RAB38: variants seen among roughly 807,000 people sequenced by gnomAD.
RAB38 encodes the protein RAB38, member RAS oncogene family.
RAB38 carries 15 observed loss-of-function variants against 18.4 expected under a neutral mutation model. That is an observed-to-expected ratio of 0.82 (90% confidence interval 0.55 to 1.26). The LOEUF is 1.26. Ranked by LOEUF, RAB38 falls within the 50% of genes most tolerant of loss-of-function variation. The pLI is 0.00. For missense variants in RAB38, 294 were observed against 267.4 expected (o/e 1.10, Z -0.69); for synonymous variants, 101 against 104.4 (o/e 0.97, Z 0.20).
At chr11:87,955,599 G>A in the RAB38 span, among the ~76,000 whole-genome samples, 183 of 152,160 alleles carry the variant, frequency 1.2e-3, no homozygotes, top group Non-Finnish European at 2.0e-3. Context: ...TATAAAGCCC[G>A]TAGCTAACTA....
chr11:88,154,321 T>C (rs751916117), intron 1 of RAB38, among the ~76,000 whole-genome samples: 1 of 152,202 alleles, frequency 6.6e-6, no homozygotes, highest in African/African-American at 2.4e-5. Flanking sequence ...TAGAGCTGCA[T>C]AGGAGCCTCC....
intron 1 of RAB38, chr11:88,165,808 C>G (rs766025272): frequency 2.0e-5 from 3 of 152,046 alleles, no homozygotes; most frequent in Non-Finnish European, 2.9e-5. Context: ...TTTGCTGACT[C>G]TACAGTAATT....
chr11:88,147,750 G>C (rs932245311), intron 2 of RAB38, among the ~76,000 whole-genome samples: 7 of 151,922 alleles, frequency 4.6e-5, no homozygotes, highest in African/African-American at 1.7e-4. Context: ...AAAATTAGCT[G>C]GGTGTGGTGG....
chr11:88,033,383 T>TA, the RAB38 span, among the ~76,000 whole-genome samples: 15 of 149,382 alleles, frequency 1.0e-4, no homozygotes, highest in Non-Finnish European at 1.9e-4. Context: ...ACAATAATAA[T>TA]AAAAAAAAGA....
At chr11:87,936,648 T>C in the RAB38 span, among the ~76,000 whole-genome samples, 217 of 152,220 alleles carry the variant, frequency 1.4e-3, no homozygotes, top group South Asian at 4.1e-3. Flanking sequence ...TAAAATAGTT[T>C]GAGATATTCT....
chr11:88,156,111 T>A (rs887230011), intron 1 of RAB38, among the ~76,000 whole-genome samples: 1 of 152,132 alleles, frequency 6.6e-6, no homozygotes, highest in Admixed American at 6.5e-5. Context: ...TTTGGGGGGA[T>A]AATTCAAGAA....
At chr11:88,079,762 T>C in the RAB38 span, among the ~76,000 whole-genome samples, 2 of 151,552 alleles carry the variant, frequency 1.3e-5, no homozygotes, top group Non-Finnish European at 3.0e-5. Flanking sequence ...ATCTAAGTAA[T>C]TCACCACATA....
At chr11:88,141,135 T>C (rs555394789) in intron 2 of RAB38, among the ~76,000 whole-genome samples, 35 of 152,230 alleles carry the variant, frequency 2.3e-4, no homozygotes, top group Non-Finnish European at 4.4e-4. Flanking sequence ...TTTTCTCAGA[T>C]AGAATCAAGG....
the RAB38 span, chr11:87,816,885 C>T: frequency 3.3e-5 from 5 of 152,060 alleles, no homozygotes; most frequent in Non-Finnish European, 7.4e-5. Flanking sequence ...CCAGGTACCC[C>T]TTCCAGATGA....
the RAB38 span, among the ~76,000 whole-genome samples, chr11:87,918,283 A>G: frequency 2.0e-5 from 3 of 152,224 alleles, no homozygotes; most frequent in South Asian, 4.1e-4. Flanking sequence ...TTATCCATTC[A>G]TTCACTGATG....
chr11:87,949,733 G>C, the RAB38 span, among the ~76,000 whole-genome samples: 1 of 152,192 alleles, frequency 6.6e-6, no homozygotes, highest in African/African-American at 2.4e-5. Flanking sequence ...GTTCTAGTTT[G>C]ATTGCACTGT....
intron 2 of RAB38, among the ~76,000 whole-genome samples, chr11:88,140,673 G>C (rs1196530956): frequency 6.6e-6 from 1 of 152,140 alleles, no homozygotes; most frequent in East Asian, 1.9e-4. Context: ...TTCCAGGCAG[G>C]GGAAATACCA....
At chr11:88,155,713 G>C (rs1051426379) in intron 1 of RAB38, among the ~76,000 whole-genome samples, 4 of 152,124 alleles carry the variant, frequency 2.6e-5, no homozygotes, top group Non-Finnish European at 5.9e-5. Context: ...AGAAGTGACA[G>C]ATAAAGAATT....
At chr11:88,009,494 G>T in the RAB38 span, among the ~76,000 whole-genome samples, 1 of 152,130 alleles carries the variant, frequency 6.6e-6, no homozygotes, top group East Asian at 1.9e-4. Context: ...CACTTATCCT[G>T]CATAGAAGCT....
At chr11:88,049,385 T>G in the RAB38 span, among the ~76,000 whole-genome samples, 6 of 152,198 alleles carry the variant, frequency 3.9e-5, no homozygotes, top group East Asian at 1.2e-3. Flanking sequence ...TTCCTTTTCC[T>G]GGCTCATCCT....
chr11:87,960,206 T>C, the RAB38 span, among the ~76,000 whole-genome samples: 1 of 152,082 alleles, frequency 6.6e-6, no homozygotes, highest in Non-Finnish European at 1.5e-5. Context: ...GGAAAGCTTA[T>C]TACAATGCAG....
the RAB38 span, among the ~76,000 whole-genome samples, chr11:87,876,405 C>T: frequency 6.6e-6 from 1 of 151,576 alleles, no homozygotes; most frequent in Non-Finnish European, 1.5e-5. Flanking sequence ...CAAAAGCTCT[C>T]TCTATCTCCT....
the RAB38 span, among the ~76,000 whole-genome samples, chr11:87,900,860 G>A: frequency 6.6e-6 from 1 of 151,438 alleles, no homozygotes; most frequent in South Asian, 2.1e-4. Context: ...AAGGAAGAAA[G>A]GGTGGAAAAA....
the RAB38 span, among the ~76,000 whole-genome samples, chr11:87,838,646 T>G: frequency 1.1e-4 from 17 of 152,284 alleles, no homozygotes; most frequent in South Asian, 3.5e-3. Flanking sequence ...GCACAAATCT[T>G]TTCTGGGATA....
Sources: gnomAD v4.1 joint callset for allele counts (sites outside exome capture counted in the v4.1 genomes callset) on GRCh38, gnomAD v4.1.1 for gene constraint, MANE v1.5 for transcripts, NCBI Gene and HGNC (gene_info 2026-07-23, HGNC 2026-07-21) for gene names.